The following FOXO1 variants were observed in gnomAD, a reference collection of about 807,000 sequenced individuals.
FOXO1 encodes the protein forkhead box protein O1.
Under a neutral mutation model 44.1 loss-of-function variants are expected in FOXO1, and 6 were observed. The ratio of observed to expected loss-of-function variants is 0.14; its 90% confidence interval spans 0.07 to 0.27. The LOEUF (loss-of-function observed/expected upper bound fraction) is 0.27, where lower values mean the gene tolerates loss of function less well. Among genes scored for constraint, FOXO1 ranks in the 10% least tolerant of loss-of-function variants. The pLI is 1.00. For missense variants in FOXO1, 737 were observed against 888.8 expected, an observed-to-expected ratio of 0.83 and a Z score of 2.17; for synonymous variants, 380 against 362.7, an observed-to-expected ratio of 1.05 and a Z score of -0.54.
intron 1 of FOXO1, among the ~76,000 whole-genome samples, chr13:40,614,938 T>C (rs1876368416): frequency 6.6e-6 from 1 of 152,172 alleles, no homozygotes; most frequent in African/African-American, 2.4e-5. Context: ...GGCAAATCAA[T>C]GTACACAGTA....
chr13:40,580,892 A>C (rs1874931055), intron 1 of FOXO1, among the ~76,000 whole-genome samples: 1 of 152,226 alleles, frequency 6.6e-6, no homozygotes, highest in Non-Finnish European at 1.5e-5. Context: ...GACCCTGAAG[A>C]ACAAGGTGAG....
intron 1 of FOXO1, among the ~76,000 whole-genome samples, chr13:40,627,937 C>T (rs574489644): frequency 6.6e-6 from 1 of 151,984 alleles, no homozygotes; most frequent in South Asian, 2.1e-4. Flanking sequence ...CACATTGAAG[C>T]ATTAAGGAAT....
chr13:40,580,871 A>G (rs1442203050), intron 1 of FOXO1, among the ~76,000 whole-genome samples: 1 of 152,242 alleles, frequency 6.6e-6, no homozygotes, highest in East Asian at 1.9e-4. Flanking sequence ...TCTCATGGCC[A>G]GAAGCTCAAA....
At chr13:40,638,219 T>A (rs1454654820) in intron 1 of FOXO1, among the ~76,000 whole-genome samples, 1 of 152,168 alleles carries the variant, frequency 6.6e-6, no homozygotes, top group South Asian at 2.1e-4. Flanking sequence ...GTGAACCAGA[T>A]CATTTAATTT....
rs1593374913 is a variant in FOXO1, at chr13:40,555,739, A to C, written c.*3310T>G. ...CCTAATAAAGAGCTTATTCTGCATA[A>C]TTAGAAAAGAAAGACACCAAGCCAT... On this transcript the variant is annotated 3_prime_UTR_variant, in exon 3 of 3. Coordinates refer to ENST00000379561, the MANE Select transcript of FOXO1 (RefSeq NM_002015.4). The C allele has an allele frequency of 6.5e-6, 1 of 152,812 alleles. No homozygotes were observed. The highest frequency in any genetic ancestry group is 1.9e-4 in the East Asian group (1 of 5,190). The allele number at this position is 152,812 out of a possible 1,614,324, so 9.5% of individuals were successfully genotyped here.
At chr13:40,664,248 G>A (rs560503380) in intron 1 of FOXO1, among the ~76,000 whole-genome samples, 1 of 152,328 alleles carries the variant, frequency 6.6e-6, no homozygotes, top group South Asian at 2.1e-4. Context: ...ACTCCAGCCT[G>A]GCGACAGAGC....
At chr13:40,585,572 T>C (rs1471611055) in intron 1 of FOXO1, among the ~76,000 whole-genome samples, 2 of 152,200 alleles carry the variant, frequency 1.3e-5, no homozygotes, top group African/African-American at 4.8e-5. Flanking sequence ...TCCTTTACAG[T>C]TCTGACTTCA....
intron 1 of FOXO1, among the ~76,000 whole-genome samples, chr13:40,589,523 G>A (rs967045476): frequency 6.6e-6 from 1 of 152,208 alleles, no homozygotes; most frequent in Non-Finnish European, 1.5e-5. Context: ...TCAAGGATCT[G>A]TGTTGTAAAA....
intron 1 of FOXO1, among the ~76,000 whole-genome samples, chr13:40,577,719 T>C (rs560637922): frequency 1.3e-5 from 2 of 152,262 alleles, no homozygotes; most frequent in Admixed American, 1.3e-4. Flanking sequence ...GTTTTTGTCG[T>C]CGGGATTTAA....
chr13:40,642,177 A>G (rs781706401), intron 1 of FOXO1, among the ~76,000 whole-genome samples: 1 of 152,228 alleles, frequency 6.6e-6, no homozygotes, highest in Non-Finnish European at 1.5e-5. Flanking sequence ...GTAAGCACAC[A>G]ATAAATATCA....
chr13:40,604,284 T>G lies in FOXO1; in HGVS notation c.631-43424A>C, dbSNP rs544765548. On this transcript the variant is annotated intron_variant, in intron 1 of 2. Transcript: ENST00000379561. The stretch of plus-strand genomic sequence containing the variant: ...AAGTCAATCTTTTGAAAAATCTAGA[T>G]AGTGATACTGTATATGTATGTGCAT... Among the ~76,000 whole-genome samples the G allele has an allele frequency of 8.5e-5, 13 of 152,218 alleles. No individual in the cohort carries two copies. The South Asian group carries it at 2.7e-3, about 32-fold the overall frequency.
intron 1 of FOXO1, among the ~76,000 whole-genome samples, chr13:40,645,488 T>C (rs1877481523): frequency 6.6e-6 from 1 of 152,200 alleles, no homozygotes; most frequent in Admixed American, 6.5e-5. Context: ...CATCACCACC[T>C]GCAAATATTT....
At chr13:40,579,677 C>T (rs573585815) in intron 1 of FOXO1, among the ~76,000 whole-genome samples, 20 of 152,178 alleles carry the variant, frequency 1.3e-4, no homozygotes, top group Non-Finnish European at 2.4e-4. Context: ...ACACTCTAGC[C>T]TTGGCTGTGA....
chr13:40,572,087 G>C (rs1566064390), intron 1 of FOXO1, among the ~76,000 whole-genome samples: 1 of 152,242 alleles, frequency 6.6e-6, no homozygotes, highest in East Asian at 1.9e-4. Flanking sequence ...GTATATTCAA[G>C]GTATGTTCCC....
chr13:40,589,754 T>C (rs918687624), intron 1 of FOXO1, among the ~76,000 whole-genome samples: 5 of 152,220 alleles, frequency 3.3e-5, no homozygotes, highest in Non-Finnish European at 5.9e-5. Flanking sequence ...GTGCTTCTCA[T>C]GTCAACAGCA....
At chr13:40,624,927 T>C (rs748671476) in intron 1 of FOXO1, among the ~76,000 whole-genome samples, 7 of 152,242 alleles carry the variant, frequency 4.6e-5, no homozygotes, top group Non-Finnish European at 8.8e-5. Flanking sequence ...TAAAATCTGT[T>C]TTCTACAGCT....
chr13:40,574,947 T>C (rs1304240072), intron 1 of FOXO1, among the ~76,000 whole-genome samples: 1 of 152,236 alleles, frequency 6.6e-6, no homozygotes, highest in Non-Finnish European at 1.5e-5. Context: ...CCTAGCTTAA[T>C]TTATAGCTAC....
chr13:40,587,613 TC>T (rs1355641966), intron 1 of FOXO1, among the ~76,000 whole-genome samples: 1 of 152,210 alleles, frequency 6.6e-6, no homozygotes, highest in Non-Finnish European at 1.5e-5. Flanking sequence ...CCAAAGACAG[TC>T]CATCTATACC....
chr13:40,604,170 A>C (rs1204511714), intron 1 of FOXO1, among the ~76,000 whole-genome samples: 7 of 152,040 alleles, frequency 4.6e-5, no homozygotes, highest in African/African-American at 1.7e-4. Context: ...TAAATTTTGC[A>C]ATTTCCACTA....
Sources: gnomAD v4.1 joint callset for allele counts (sites outside exome capture counted in the v4.1 genomes callset) on GRCh38, gnomAD v4.1.1 for gene constraint, MANE v1.5 for transcripts, NCBI Gene and HGNC (gene_info 2026-07-23, HGNC 2026-07-21) for gene names.